The following CDH18 variants were observed in gnomAD, a reference collection of about 807,000 sequenced individuals.
CDH18 encodes cadherin-18.
In CDH18, 31 loss-of-function variants were observed where a neutral mutation model predicts 67.9. The ratio of observed to expected loss-of-function variants is 0.46; its 90% CI spans 0.34 to 0.62. CDH18 has a LOEUF of 0.62. Ranked by LOEUF, CDH18 falls within the 20% of genes least tolerant of loss-of-function variation. CDH18 has a pLI of 0.01. For missense variants in CDH18, 890 were observed against 975.5 expected (o/e 0.91, Z 1.17); for synonymous variants, 362 against 347.2 (o/e 1.04, Z -0.48).
intron 1 of CDH18, among the ~76,000 whole-genome samples, chr5:20,419,460 C>CTTTTTTTTT (rs1469236559): frequency 1.0e-5 from 1 of 100,390 alleles, no homozygotes; most frequent in African/African-American, 4.1e-5. Flanking sequence ...GTATGGGACT[C>CTTTTTTTTT]TGTTTTTTTT....
chr5:19,848,775 T>C (rs1227625693), intron 2 of CDH18, among the ~76,000 whole-genome samples: 3 of 151,518 alleles, frequency 2.0e-5, no homozygotes, highest in South Asian at 2.1e-4. Flanking sequence ...AAGACAAAGA[T>C]GATAGCATAT....
chr5:20,362,985 G>A (rs1388035929), intron 1 of CDH18, among the ~76,000 whole-genome samples: 1 of 152,112 alleles, frequency 6.6e-6, no homozygotes, highest in Non-Finnish European at 1.5e-5. Flanking sequence ...GGATCAAGGG[G>A]AAGCTTTGCT....
chr5:20,077,967 G>GT (rs1744096147), intron 2 of CDH18, among the ~76,000 whole-genome samples: 1 of 152,188 alleles, frequency 6.6e-6, no homozygotes, highest in Non-Finnish European at 1.5e-5. Flanking sequence ...TTCTCCAAGA[G>GT]TCTAAAACAG....
At chr5:20,225,493 G>A (rs6887472) in intron 2 of CDH18, among the ~76,000 whole-genome samples, 105,777 of 151,918 alleles carry the variant, frequency 0.7, 37,455 homozygotes, top group African/African-American at 0.84. Flanking sequence ...ACTCACCCCC[G>A]TATACAGACA....
At chr5:20,165,868 T>C (rs1736241689) in intron 2 of CDH18, among the ~76,000 whole-genome samples, 1 of 152,116 alleles carries the variant, frequency 6.6e-6, no homozygotes, top group Admixed American at 6.5e-5. Flanking sequence ...ATAAAATAAT[T>C]CTATATATTA....
chr5:19,531,609 T>TCACACACACACACACA (rs10552517), intron 9 of CDH18, among the ~76,000 whole-genome samples: 10 of 148,706 alleles, frequency 6.7e-5, no homozygotes, highest in South Asian at 4.3e-4. Flanking sequence ...ATGTGTGTTC[T>TCACACACACACACACA]CACACACACA....
chr5:19,956,108 T>C (rs1193770631), intron 2 of CDH18, among the ~76,000 whole-genome samples: 1 of 151,970 alleles, frequency 6.6e-6, no homozygotes, highest in African/African-American at 2.4e-5. Context: ...TCTGGCATAA[T>C]TGTAAGAAAC....
At chr5:19,625,449 T>G (rs1751393404) in intron 5 of CDH18, among the ~76,000 whole-genome samples, 1 of 151,942 alleles carries the variant, frequency 6.6e-6, no homozygotes, top group Admixed American at 6.6e-5. Context: ...TACCACAAAC[T>G]GAGTGATTAC....
intron 2 of CDH18, among the ~76,000 whole-genome samples, chr5:20,165,477 C>T (rs1196035699): frequency 1.3e-5 from 2 of 151,792 alleles, no homozygotes; most frequent in African/African-American, 4.8e-5. Flanking sequence ...TTGTAAGAGT[C>T]AATGAAGAAA....
At chr5:19,813,631 T>C (rs544785716) in intron 3 of CDH18, among the ~76,000 whole-genome samples, 1 of 152,182 alleles carries the variant, frequency 6.6e-6, no homozygotes, top group South Asian at 2.1e-4. Context: ...GAAAGGGAAA[T>C]TACAAAATTA....
intron 11 of CDH18, among the ~76,000 whole-genome samples, chr5:19,484,769 C>A (rs929947847): frequency 6.6e-6 from 1 of 152,200 alleles, no homozygotes; most frequent in Non-Finnish European, 1.5e-5. Context: ...TGTCACTCTA[C>A]GCTGTCGTTC....
intron 1 of CDH18, among the ~76,000 whole-genome samples, chr5:20,428,472 G>A (rs1395066656): frequency 6.6e-6 from 1 of 152,176 alleles, no homozygotes; most frequent in Non-Finnish European, 1.5e-5. Context: ...TAATGGGATT[G>A]CTGGATCAAA....
intron 2 of CDH18, among the ~76,000 whole-genome samples, chr5:19,972,783 G>T (rs1798149554): frequency 6.6e-6 from 1 of 151,808 alleles, no homozygotes; most frequent in Non-Finnish European, 1.5e-5. Context: ...ATACACTCAG[G>T]AAAAAGGCAC....
At chr5:20,036,795 T>A (rs1049151793) in intron 2 of CDH18, among the ~76,000 whole-genome samples, 1 of 152,120 alleles carries the variant, frequency 6.6e-6, no homozygotes, top group Non-Finnish European at 1.5e-5. Context: ...ATCTGGCTGC[T>A]CCTGTATTGG....
chr5:20,136,047 G>A (rs1399452608), intron 2 of CDH18, among the ~76,000 whole-genome samples: 1 of 152,158 alleles, frequency 6.6e-6, no homozygotes, highest in East Asian at 1.9e-4. Context: ...GCAATGTGGT[G>A]CTGAGAAGAA....
At chr5:20,023,824 G>T (rs558707013) in intron 2 of CDH18, among the ~76,000 whole-genome samples, 1 of 152,158 alleles carries the variant, frequency 6.6e-6, no homozygotes, top group South Asian at 2.1e-4. Flanking sequence ...TCATAATCCC[G>T]CAGTCACTCA....
intron 8 of CDH18, among the ~76,000 whole-genome samples, chr5:19,560,338 T>C (rs938906178): frequency 6.6e-6 from 1 of 151,866 alleles, no homozygotes; most frequent in Admixed American, 6.6e-5. Flanking sequence ...AGGAACAAAA[T>C]AGATAACCCA....
At chr5:20,049,373 G>A (rs1741208325) in intron 2 of CDH18, among the ~76,000 whole-genome samples, 1 of 151,624 alleles carries the variant, frequency 6.6e-6, no homozygotes, top group African/African-American at 2.4e-5. Flanking sequence ...GTGGGAGGAG[G>A]GAGAGGATCA....
intron 3 of CDH18, among the ~76,000 whole-genome samples, chr5:19,801,374 A>G (rs1777454482): frequency 6.6e-6 from 1 of 152,180 alleles, no homozygotes; most frequent in African/African-American, 2.4e-5. Context: ...GGTCTGTGTC[A>G]CTTTATTCAA....
Sources: allele counts gnomAD v4.1 joint callset (sites outside exome capture counted in the v4.1 genomes callset), GRCh38; gene constraint gnomAD v4.1.1; transcripts MANE v1.5; gene names NCBI Gene and HGNC (gene_info 2026-07-23, HGNC 2026-07-21).